Variants in KCNT1 observed in about 807,000 individuals in gnomAD.
KCNT1 encodes the protein potassium channel subfamily T member 1.
A neutral mutation model predicts 147.8 loss-of-function variants in KCNT1; 78 were observed. That is an observed-to-expected ratio of 0.53 (90% CI 0.44 to 0.64). The LOEUF (loss-of-function observed/expected upper bound fraction) is 0.64, where lower values mean the gene tolerates loss of function less well. Among genes scored for constraint, KCNT1 ranks in the 30% least tolerant of loss-of-function variants. KCNT1 has a pLI of 0.00. For synonymous variants in KCNT1, 867 were observed against 748.8 expected, an observed-to-expected ratio of 1.16 and a Z score of -2.58; for missense variants, 1,419 against 1,750.3, an observed-to-expected ratio of 0.81 and a Z score of 3.38.
At chr9:135,739,184 T>C (rs1830458812) in intron 2 of KCNT1, among the ~76,000 whole-genome samples, 1 of 152,004 alleles carries the variant, frequency 6.6e-6, no homozygotes, top group South Asian at 2.1e-4. Flanking sequence ...GCTGAGGAGC[T>C]CACCTGGACT....
chr9:135,763,099 G>A (rs1277911202), intron 11 of KCNT1, among the ~76,000 whole-genome samples: 1 of 152,234 alleles, frequency 6.6e-6, no homozygotes, highest in African/African-American at 2.4e-5. Flanking sequence ...CTGGGGGCTG[G>A]CGCACCCTCC....
Position 135,753,982 on chromosome 9 carries a change from C to A in KCNT1, c.480C>A (p.Ser160=). The change falls in exon 5 of 31, where the codon TCC becomes TCA. Residue 160 remains serine (S), a synonymous_variant. Coordinates refer to ENST00000371757, the MANE Select transcript of KCNT1 (RefSeq NM_020822.3). ...ACTACTCCTTCAATGACTCGTCCTC[C>A]GAGATCAACTGGTGAGTCCACACTC... ...KQNYSFNDSS[S]EINWAPILWV... 6.2e-7 allele frequency: 1 copy of A among 1,614,078 alleles called. No homozygotes were observed.
intron 2 of KCNT1, among the ~76,000 whole-genome samples, chr9:135,744,594 G>T (rs961597881): frequency 6.6e-6 from 1 of 152,226 alleles, no homozygotes; most frequent in African/African-American, 2.4e-5. Context: ...GGGCCTCGGG[G>T]AGCCTCGGGG....
intron 2 of KCNT1, among the ~76,000 whole-genome samples, chr9:135,731,983 T>TAG (rs1836471688): frequency 3.6e-4 from 9 of 24,906 alleles, no homozygotes; most frequent in African/African-American, 7.5e-4. Context: ...TATATATATA[T>TAG]ATATATATAG....
At position 135,770,052 on chromosome 9, in the gene KCNT1, G is replaced by GCCAGTGAGTGCCCCGTGC. The variant is rs1211647608; in HGVS notation, c.1619_1619+17dup. On this transcript the variant is annotated stop_gained and inframe_insertion, in exon 16 of 31. Coordinates refer to ENST00000371757, the MANE Select transcript of KCNT1 (RefSeq NM_020822.3). LOFTEE classifies it high-confidence loss of function. The stretch of plus-strand genomic sequence containing the variant: ...ACCCTGCTGGTGCACACGTCCCGCG[G>GCCAGTGAGTGCCCCGTGC]CCAGTGAGTGCCCCGTGCCCCGGGG... 2 of 1,549,222 alleles carry GCCAGTGAGTGCCCCGTGC rather than the reference G, an allele frequency of 1.3e-6. No homozygotes were observed. The highest frequency in any genetic ancestry group is 1.2e-5 in the South Asian group (1 of 84,028).
rs1836395927 is a variant in KCNT1, at chr9:135,730,762, G to C, written c.254+16042G>C. Among the ~76,000 whole-genome samples the C allele has an allele frequency of 6.6e-6, 1 of 152,124 alleles. No individual in the cohort carries two copies. The highest frequency in any genetic ancestry group is 2.1e-4 in the South Asian group (1 of 4,820). ...GCACTTTGGGAGGCCAAGGCAGGCA[G>C]ATCTCTCGAGCTCAGGAGTTCCAGA... is the stretch of plus-strand genomic sequence containing the variant. On this transcript the variant is annotated intron_variant, in intron 2 of 30. Transcript: ENST00000371757. This position sits in a 1 kb window ranked among gnomAD's most constrained non-coding sequence, Gnocchi z 4.7.
intron 2 of KCNT1, among the ~76,000 whole-genome samples, chr9:135,749,877 A>G (rs1292429559): frequency 6.6e-6 from 1 of 151,762 alleles, no homozygotes; most frequent in African/African-American, 2.4e-5. Context: ...TGCGGGGAGG[A>G]ATCTTCAGAG....
intron 11 of KCNT1, among the ~76,000 whole-genome samples, chr9:135,761,059 A>G (rs1198832237): frequency 6.7e-6 from 1 of 149,676 alleles, no homozygotes; most frequent in Non-Finnish European, 1.5e-5. Context: ...ATAGGGTCTC[A>G]CTCTCATTTT....
chr9:135,771,689 C>T lies in KCNT1; in HGVS notation c.2008+594C>T, dbSNP rs570161334. 6.6e-5 allele frequency among the ~76,000 whole-genome samples: 10 copies of T among 152,352 alleles called. 1 individual carries two copies. In the South Asian group the frequency reaches 1.2e-3, roughly 19 times the overall value. On this transcript the variant is annotated intron_variant, in intron 18 of 30. Coordinates refer to ENST00000371757, the MANE Select transcript of KCNT1 (RefSeq NM_020822.3). ...GCCTTCAGGGATCCTCCCGGGGAGC[C>T]GCTTACCAGACAGGGTCAGGCTGCC...
At position 135,714,293 on chromosome 9, in the gene KCNT1, G is replaced by T. The variant is rs1427218139; in HGVS notation, c.111-284G>T. The stretch of plus-strand genomic sequence containing the variant: ...GCCTGTCCCTGAGCTGGCCATGACA[G>T]CTCCCGTCCCCCTTACCTCCTGCCA... On this transcript the variant is annotated intron_variant, in intron 1 of 30. Coordinates refer to ENST00000371757, the MANE Select transcript of KCNT1 (RefSeq NM_020822.3). This position sits in a 1 kb window ranked among gnomAD's most constrained non-coding sequence, Gnocchi z 6.2. 1.3e-5 allele frequency among the ~76,000 whole-genome samples: 2 copies of T among 151,724 alleles called. No homozygotes were observed. Among genetic ancestry groups the T allele is most frequent in the African/African-American group, 4.8e-5 (2 of 41,372 alleles).
intron 19 of KCNT1, among the ~76,000 whole-genome samples, chr9:135,775,109 C>G (rs1173108837): frequency 6.6e-6 from 1 of 152,212 alleles, no homozygotes; most frequent in East Asian, 1.9e-4. Flanking sequence ...ACGGTGACCA[C>G]AGGCTCAGCT....
intron 1 of KCNT1, among the ~76,000 whole-genome samples, chr9:135,709,911 C>T (rs1201050259): frequency 1.3e-5 from 2 of 152,214 alleles, no homozygotes; most frequent in South Asian, 2.1e-4. Flanking sequence ...AAACTCCTGA[C>T]CTCAGGTGAT....
At chr9:135,771,632 C>T (rs1050589510) in intron 18 of KCNT1, among the ~76,000 whole-genome samples, 2 of 152,194 alleles carry the variant, frequency 1.3e-5, no homozygotes, top group African/African-American at 2.4e-5. Context: ...GGAATGAGGT[C>T]GCAGTGGCCG....
At chr9:135,744,812 T>C (rs1403616564) in intron 2 of KCNT1, among the ~76,000 whole-genome samples, 4 of 152,194 alleles carry the variant, frequency 2.6e-5, no homozygotes, top group African/African-American at 9.6e-5. Flanking sequence ...GGCTCCCTGC[T>C]GTGTCTGGGA....
chr9:135,716,390 T>G (rs4842025), intron 2 of KCNT1, among the ~76,000 whole-genome samples: 2,437 of 152,196 alleles, frequency 0.016, 90 homozygotes, highest in East Asian at 0.14. Flanking sequence ...ACCATGCCCA[T>G]CCCTGGGAGA....
chr9:135,783,793 G>A (rs936596408), intron 24 of KCNT1, among the ~76,000 whole-genome samples: 17 of 152,254 alleles, frequency 1.1e-4, no homozygotes, highest in Non-Finnish European at 2.1e-4. Flanking sequence ...CACTCCTCCC[G>A]GGCTCTGGCC....
intron 11 of KCNT1, among the ~76,000 whole-genome samples, chr9:135,761,446 G>C (rs557747808): frequency 6.6e-6 from 1 of 152,126 alleles, no homozygotes; most frequent in Non-Finnish European, 1.5e-5. Context: ...AGCACAGTGT[G>C]GGGGGCACTC....
rs11103145 is a variant in KCNT1, at chr9:135,714,314, T to G, written c.111-263T>G. On this transcript the variant is annotated intron_variant, in intron 1 of 30. Coordinates refer to ENST00000371757, the MANE Select transcript of KCNT1 (RefSeq NM_020822.3). The surrounding 1 kb of genome is among the most constrained non-coding windows in gnomAD (Gnocchi z 6.2). ...GACAGCTCCCGTCCCCCTTACCTCC[T>G]GCCAGGCCCCGGGGCCGCTTTGGAG... 21,853 of 151,680 alleles carry G rather than the reference T, an allele frequency of 0.14. 1,702 individuals are homozygous for G. Among genetic ancestry groups the G allele is most frequent in the South Asian group, 0.24 (1,157 of 4,810 alleles). The allele number at this position is 151,680 out of a possible 1,614,324, so 9.4% of individuals were successfully genotyped here. A position where few individuals can be genotyped will look rare whatever the true frequency, so the allele number is the denominator to read the frequency against.
In KCNT1 at chr9:135,765,313, A is replaced by T. The variant is rs1054074577; in HGVS notation, c.1200+118A>T. 3.0e-6 allele frequency: 3 copies of T among 989,358 alleles called. No homozygotes were observed. In the Admixed American group the frequency reaches 6.5e-5, roughly 22 times the overall value. 61.3% of individuals were successfully genotyped at this position (989,358 alleles called of 1,614,324 possible). On this transcript the variant is annotated intron_variant, in intron 12 of 30. Coordinates refer to ENST00000371757, the MANE Select transcript of KCNT1 (RefSeq NM_020822.3). ...CCTCTCAGCCTTGGTTTACCCCTTC[A>T]GTGAGGGCAGATGCCTCCCTCCCGG...
Sources: allele counts gnomAD v4.1 joint callset (sites outside exome capture counted in the v4.1 genomes callset), GRCh38; gene constraint gnomAD v4.1.1; non-coding constraint Gnocchi (gnomAD v3.1); transcripts MANE v1.5; gene names NCBI Gene and HGNC (gene_info 2026-07-23, HGNC 2026-07-21).